The following BRINP3 variants were observed in gnomAD, a reference collection of about 807,000 sequenced individuals.
BRINP3 encodes BMP/retinoic acid inducible neural specific 3.
In BRINP3, 19 loss-of-function variants were observed where a neutral mutation model predicts 71.0. The observed-to-expected ratio is 0.27, with a 90% CI of 0.19 to 0.39. BRINP3 has a LOEUF of 0.39. BRINP3 is among the 10% of genes least tolerant of loss of function. The pLI, the probability that BRINP3 is intolerant of heterozygous loss-of-function variation, is 1.00. For synonymous variants in BRINP3, 380 were observed against 337.7 expected, an observed-to-expected ratio of 1.13 and a Z score of -1.37; for missense variants, 959 against 940.8, an observed-to-expected ratio of 1.02 and a Z score of -0.25.
intron 2 of BRINP3, among the ~76,000 whole-genome samples, chr1:190,371,596 G>T (rs1487268695): frequency 6.6e-6 from 1 of 152,136 alleles, no homozygotes; most frequent in Non-Finnish European, 1.5e-5. Flanking sequence ...ATATTTTGAA[G>T]TCAGGTAGTG....
At chr1:190,112,311 T>C (rs1652764441) in intron 7 of BRINP3, among the ~76,000 whole-genome samples, 1 of 152,174 alleles carries the variant, frequency 6.6e-6, no homozygotes, top group African/African-American at 2.4e-5. Context: ...ACAGTGTTCC[T>C]GCAACAATGT....
At chr1:190,165,439 G>T (rs1292622967) in intron 6 of BRINP3, among the ~76,000 whole-genome samples, 3 of 90,074 alleles carry the variant, frequency 3.3e-5, no homozygotes, top group African/African-American at 1.8e-4. Context: ...CTGTTTCATT[G>T]GCTGTTTTTT....
intron 2 of BRINP3, among the ~76,000 whole-genome samples, chr1:190,283,886 A>G (rs147086786): frequency 9.9e-5 from 15 of 151,836 alleles, no homozygotes; most frequent in African/African-American, 2.9e-4. Context: ...AATTTAATCA[A>G]TAGAGTAACA....
At chr1:190,106,405 A>G (rs1372955788) in intron 7 of BRINP3, among the ~76,000 whole-genome samples, 1 of 151,728 alleles carries the variant, frequency 6.6e-6, no homozygotes, top group East Asian at 1.9e-4. Flanking sequence ...TTGCTCTTAA[A>G]ATCTCTGCAT....
intron 2 of BRINP3, among the ~76,000 whole-genome samples, chr1:190,398,743 G>T (rs908302218): frequency 6.6e-6 from 1 of 151,906 alleles, no homozygotes; most frequent in African/African-American, 2.4e-5. Context: ...ATTCCTAAGA[G>T]GTAGGTATTA....
intron 6 of BRINP3, among the ~76,000 whole-genome samples, chr1:190,216,396 A>G (rs535643113): frequency 4.2e-4 from 64 of 151,726 alleles, no homozygotes; most frequent in African/African-American, 1.5e-3. Flanking sequence ...AATGTTATGT[A>G]TATGCTACCA....
At chr1:190,207,676 G>C (rs1029769279) in intron 6 of BRINP3, among the ~76,000 whole-genome samples, 1 of 152,054 alleles carries the variant, frequency 6.6e-6, no homozygotes, top group Non-Finnish European at 1.5e-5. Flanking sequence ...TTTACAAACA[G>C]ATTTAATAAT....
intron 7 of BRINP3, among the ~76,000 whole-genome samples, chr1:190,138,124 T>C (rs1390516281): frequency 2.0e-5 from 3 of 152,044 alleles, no homozygotes; most frequent in African/African-American, 7.2e-5. Flanking sequence ...CTGGCTAATT[T>C]TGTATTTTTA....
At chr1:190,418,414 A>C (rs1673146212) in intron 2 of BRINP3, among the ~76,000 whole-genome samples, 1 of 152,134 alleles carries the variant, frequency 6.6e-6, no homozygotes, top group Admixed American at 6.6e-5. Context: ...CCCGTATTCC[A>C]AATATTTTCT....
intron 7 of BRINP3, among the ~76,000 whole-genome samples, chr1:190,141,590 C>CT (rs1323435571): frequency 3.1e-4 from 29 of 92,138 alleles, no homozygotes; most frequent in African/African-American, 9.2e-4. Context: ...GAGACAGAGT[C>CT]TTGCTCTGTC....
At chr1:190,157,392 C>T (rs113482390) in intron 7 of BRINP3, among the ~76,000 whole-genome samples, 78 of 152,090 alleles carry the variant, frequency 5.1e-4, no homozygotes, top group Non-Finnish European at 9.3e-4. Flanking sequence ...TTCATGGATT[C>T]CTGTGAACCA....
intron 2 of BRINP3, among the ~76,000 whole-genome samples, chr1:190,450,212 T>C (rs1402428448): frequency 1.3e-5 from 2 of 152,174 alleles, no homozygotes; most frequent in African/African-American, 4.8e-5. Flanking sequence ...GATCCAACTC[T>C]GGGCTTCTGA....
intron 2 of BRINP3, among the ~76,000 whole-genome samples, chr1:190,331,868 C>A (rs564071697): frequency 6.6e-6 from 1 of 151,924 alleles, no homozygotes; most frequent in Non-Finnish European, 1.5e-5. Flanking sequence ...TAGGCTCTTT[C>A]CATTTTATAG....
Position 190,245,245 on chromosome 1 carries a change from CT to C in BRINP3, c.619-10769del, listed in dbSNP as rs544846382. Among the ~76,000 whole-genome samples the C allele has an allele frequency of 3.9e-3, 545 of 141,422 alleles. 1 individual carries two copies. The highest frequency in any genetic ancestry group is 7.1e-3 in the African/African-American group (278 of 38,972). The allele number at this position is 141,422 out of a possible 152,430, so 92.8% of individuals were successfully genotyped here. On this transcript the variant is annotated intron_variant, in intron 4 of 7. Coordinates refer to ENST00000367462, the MANE Select transcript of BRINP3 (RefSeq NM_199051.3). Reference sequence around the variant, plus strand: ...TAGAAACTGTTCTGTCATTTCTTTTCTTTTTTTTTTTTCAGAAAAATAAATT... The same window carrying C: ...TAGAAACTGTTCTGTCATTTCTTTTCTTTTTTTTTTTCAGAAAAATAAATT...
intron 2 of BRINP3, among the ~76,000 whole-genome samples, chr1:190,307,853 A>T (rs1256459450): frequency 1.3e-5 from 2 of 152,026 alleles, no homozygotes; most frequent in African/African-American, 4.8e-5. Context: ...AAAATAATTA[A>T]ATGTGTGACT....
At chr1:190,195,598 G>T (rs940537587) in intron 6 of BRINP3, among the ~76,000 whole-genome samples, 1 of 151,822 alleles carries the variant, frequency 6.6e-6, no homozygotes, top group Non-Finnish European at 1.5e-5. Flanking sequence ...TACGTATGAA[G>T]AATTCCTTTT....
chr1:190,197,452 G>A (rs1558055557), intron 6 of BRINP3, among the ~76,000 whole-genome samples: 1 of 152,136 alleles, frequency 6.6e-6, no homozygotes, highest in Non-Finnish European at 1.5e-5. Context: ...TTCCATCTAT[G>A]AGGCTGTAAA....
intron 2 of BRINP3, among the ~76,000 whole-genome samples, chr1:190,290,872 G>A (rs935978454): frequency 2.0e-5 from 3 of 151,522 alleles, no homozygotes; most frequent in African/African-American, 4.8e-5. Flanking sequence ...GCTGTTACTG[G>A]TAATGTATAT....
At chr1:190,162,346 C>A (rs1346150489) in intron 6 of BRINP3, among the ~76,000 whole-genome samples, 1 of 151,786 alleles carries the variant, frequency 6.6e-6, no homozygotes, top group African/African-American at 2.4e-5. Flanking sequence ...CCAGGCCCAG[C>A]TACTTTTTTG....
Sources: allele counts gnomAD v4.1 joint callset (sites outside exome capture counted in the v4.1 genomes callset), GRCh38; gene constraint gnomAD v4.1.1; transcripts MANE v1.5; gene names NCBI Gene and HGNC (gene_info 2026-07-23, HGNC 2026-07-21).